PDE7A: variants seen among roughly 807,000 people sequenced by gnomAD.
PDE7A encodes the protein phosphodiesterase 7A.
In PDE7A, 39 loss-of-function variants were observed where a neutral mutation model predicts 64.3. The observed-to-expected ratio is 0.61, with a 90% CI of 0.47 to 0.79. The LOEUF is 0.79. Ranked by LOEUF, PDE7A falls within the 30% of genes least tolerant of loss-of-function variation. The pLI, the probability that PDE7A is intolerant of heterozygous loss-of-function variation, is 0.00. For missense variants in PDE7A, 470 were observed against 582.8 expected (o/e 0.81, Z 1.99); for synonymous variants, 203 against 206.8 (o/e 0.98, Z 0.16).
chr8:65,807,722 T>C (rs1290172248), intron 1 of PDE7A, among the ~76,000 whole-genome samples: 1 of 152,184 alleles, frequency 6.6e-6, no homozygotes, highest in Non-Finnish European at 1.5e-5. Context: ...GTTTTCTGGA[T>C]GGTTTTATCA....
At chr8:65,782,347 C>T (rs1440391630) in intron 2 of PDE7A, among the ~76,000 whole-genome samples, 2 of 152,078 alleles carry the variant, frequency 1.3e-5, no homozygotes, top group Non-Finnish European at 1.5e-5. Flanking sequence ...AATTTAAGCA[C>T]CAGAACTAGA....
At chr8:65,784,608 TA>T (rs1809497835) in intron 1 of PDE7A, among the ~76,000 whole-genome samples, 1 of 152,060 alleles carries the variant, frequency 6.6e-6, no homozygotes, top group Non-Finnish European at 1.5e-5. Context: ...TTTGGCCACT[TA>T]AAAGTTAAAT....
intron 1 of PDE7A, among the ~76,000 whole-genome samples, chr8:65,827,480 G>A (rs1476219266): frequency 6.6e-6 from 1 of 152,112 alleles, no homozygotes; most frequent in Non-Finnish European, 1.5e-5. Context: ...TAGGTAGAAT[G>A]TTTTTTGTAA....
At position 65,715,921 on chromosome 8, in the gene PDE7A, C is replaced by T. The variant is rs1208948779; in HGVS notation, c.*3369G>A. ...GAGAATGAGGAGAATGGCGTGAACC[C>T]GGGAGGCGGAACTTGCAGTGAGCCA... is the stretch of plus-strand genomic sequence containing the variant. On this transcript the variant is annotated 3_prime_UTR_variant, in exon 13 of 13. Coordinates refer to ENST00000401827, the MANE Select transcript of PDE7A (RefSeq NM_001242318.3). Among the ~76,000 whole-genome samples the T allele has an allele frequency of 2.1e-5, 3 of 142,870 alleles. No individual in the cohort carries two copies. Among genetic ancestry groups the T allele is most frequent in the South Asian group, 2.3e-4 (1 of 4,346 alleles). 93.7% of individuals were successfully genotyped at this position (142,870 alleles called of 152,430 possible). A position where few individuals can be genotyped will look rare whatever the true frequency, so the allele number is the denominator to read the frequency against.
intron 1 of PDE7A, among the ~76,000 whole-genome samples, chr8:65,825,243 T>C (rs1810642866): frequency 6.6e-6 from 1 of 152,210 alleles, no homozygotes; most frequent in Non-Finnish European, 1.5e-5. Flanking sequence ...ATAACAAGCA[T>C]ACATTAACTT....
At chr8:65,772,088 A>G (rs963871038) in intron 3 of PDE7A, among the ~76,000 whole-genome samples, 1 of 152,146 alleles carries the variant, frequency 6.6e-6, no homozygotes, top group African/African-American at 2.4e-5. Flanking sequence ...GGATTTAATG[A>G]GACTGGATTT....
chr8:65,744,735 GATA>G (rs1486222609), intron 5 of PDE7A, among the ~76,000 whole-genome samples: 1 of 152,160 alleles, frequency 6.6e-6, no homozygotes, highest in Non-Finnish European at 1.5e-5. Context: ...AAAAACATGA[GATA>G]ATAATGTTTA....
At chr8:65,798,206 A>ATATATATATATATATATATTTTTT in intron 1 of PDE7A, among the ~76,000 whole-genome samples, 1 of 73,806 alleles carries the variant, frequency 1.4e-5, no homozygotes, top group African/African-American at 5.8e-5. Context: ...ATATATATAT[A>ATATATATATATATATATATTTTTT]TTTTTTTTTT....
chr8:65,724,292 C>T lies in PDE7A; in HGVS notation c.1125G>A (p.Gln375=), dbSNP rs767997971. Residue 375 remains glutamine (Q), a synonymous_variant, in exon 11 of 13, where the codon CAG becomes CAA. Coordinates refer to ENST00000401827, the MANE Select transcript of PDE7A (RefSeq NM_001242318.3). ...ATTCCTCCGTTACTTTTTCACTCCA[C>T]TGCTTGCTTAATTCCCACGTCCGAC... ...NPCRTWELSK[Q]WSEKVTEEFF... is the part of the protein sequence containing the mutation. The T allele has an allele frequency of 6.2e-7, 1 of 1,612,806 alleles. No individual in the cohort carries two copies. The highest frequency in any genetic ancestry group is 1.1e-5 in the South Asian group (1 of 91,032).
At chr8:65,725,353 A>G (rs1806567747) in intron 9 of PDE7A, 1 of 155,918 alleles carries the variant, frequency 6.4e-6, no homozygotes, top group African/African-American at 2.4e-5. Flanking sequence ...ATTCAAATAG[A>G]AAGAATAATG....
chr8:65,742,799 C>G (rs981903483), intron 5 of PDE7A, among the ~76,000 whole-genome samples: 10 of 152,194 alleles, frequency 6.6e-5, no homozygotes, highest in Non-Finnish European at 1.3e-4. Flanking sequence ...CCTCTAAAAT[C>G]AAAGGTGGGT....
intron 1 of PDE7A, among the ~76,000 whole-genome samples, chr8:65,836,140 C>G (rs926458334): frequency 1.2e-4 from 18 of 152,160 alleles, no homozygotes; most frequent in African/African-American, 3.1e-4. Flanking sequence ...CTTGGGGTAT[C>G]CCACTCACTG....
intron 1 of PDE7A, among the ~76,000 whole-genome samples, chr8:65,835,855 G>A (rs1563525676): frequency 6.6e-6 from 1 of 152,176 alleles, no homozygotes; most frequent in Non-Finnish European, 1.5e-5. Flanking sequence ...TAGACTGAAT[G>A]TGTTCCTGAC....
At chr8:65,781,179 A>G (rs1464715260) in intron 2 of PDE7A, among the ~76,000 whole-genome samples, 1 of 152,188 alleles carries the variant, frequency 6.6e-6, no homozygotes, top group Non-Finnish European at 1.5e-5. Context: ...AGAAGGCCTC[A>G]CTGAAAAGGA....
chr8:65,780,025 TATA>T (rs1050989846), intron 2 of PDE7A, among the ~76,000 whole-genome samples: 3 of 152,032 alleles, frequency 2.0e-5, no homozygotes, highest in Non-Finnish European at 4.4e-5. Context: ...AATCTACCCC[TATA>T]ATAATTATTA....
At chr8:65,792,880 G>C (rs1229166904) in intron 1 of PDE7A, among the ~76,000 whole-genome samples, 2 of 152,068 alleles carry the variant, frequency 1.3e-5, no homozygotes, top group African/African-American at 4.8e-5. Context: ...GGTACTATGA[G>C]AGTTTTGCCA....
chr8:65,736,666 G>A (rs1022401838), intron 6 of PDE7A, among the ~76,000 whole-genome samples: 7 of 151,862 alleles, frequency 4.6e-5, no homozygotes, highest in Admixed American at 2.0e-4. Context: ...TGGGAGGATC[G>A]CATGAGCCGA....
chr8:65,720,542 A>AT (rs1806331337), intron 12 of PDE7A: 1 of 154,160 alleles, frequency 6.5e-6, no homozygotes, highest in Non-Finnish European at 1.5e-5. Context: ...TGATGGCTGA[A>AT]TTTTTTAAGT....
chr8:65,832,388 A>G (rs1645682998), intron 1 of PDE7A, among the ~76,000 whole-genome samples: 1 of 152,208 alleles, frequency 6.6e-6, no homozygotes, highest in South Asian at 2.1e-4. Context: ...AAACTTGAAG[A>G]TTAACCTTTA....
Sources: allele counts gnomAD v4.1 joint callset (sites outside exome capture counted in the v4.1 genomes callset), GRCh38; gene constraint gnomAD v4.1.1; transcripts MANE v1.5; gene names NCBI Gene and HGNC (gene_info 2026-07-23, HGNC 2026-07-21).